USP47: variants seen among roughly 807,000 people sequenced by gnomAD.
USP47 encodes the protein ubiquitin carboxyl-terminal hydrolase 47.
Under a neutral mutation model 165.1 loss-of-function variants are expected in USP47, and 35 were observed. That is an observed-to-expected ratio of 0.21 (90% CI 0.16 to 0.28). The LOEUF is 0.28. Ranked by LOEUF, USP47 falls within the 10% of genes least tolerant of loss-of-function variation. The pLI, the probability that USP47 is intolerant of heterozygous loss-of-function variation, is 1.00. For missense variants in USP47, 1,277 were observed against 1,607.4 expected (o/e 0.79, Z 3.52); for synonymous variants, 531 against 544.5 (o/e 0.98, Z 0.35).
chr11:11,867,106 A>G (rs750235456), intron 1 of USP47, among the ~76,000 whole-genome samples: 6 of 152,150 alleles, frequency 3.9e-5, no homozygotes, highest in African/African-American at 7.2e-5. Flanking sequence ...CATGTTGGTC[A>G]TGCTGGTCTT....
chr11:11,923,121 G>A (rs1564881588), intron 11 of USP47, among the ~76,000 whole-genome samples: 2 of 137,420 alleles, frequency 1.5e-5, no homozygotes, highest in Non-Finnish European at 1.5e-5. Flanking sequence ...CTGCTTACAG[G>A]TAAGAACATT....
Position 11,956,933 on chromosome 11 carries a change from TGA to T in USP47, c.*760_*761del, listed in dbSNP as rs1425725633. On this transcript the variant is annotated 3_prime_UTR_variant, in exon 28 of 28. Transcript: ENST00000527733. ...AGCATGTAAATAAAATTGATCCTGT[TGA>T]GTTATCATAATTGCAGTTCAACTAT... is the stretch of plus-strand genomic sequence containing the variant. 6.6e-6 allele frequency: 1 copy of T among 152,198 alleles called. No individual in the cohort carries two copies. The highest frequency in any genetic ancestry group is 1.9e-4 in the East Asian group (1 of 5,200). 9.4% of individuals were successfully genotyped at this position (152,198 alleles called of 1,614,324 possible).
intron 3 of USP47, among the ~76,000 whole-genome samples, 184 bp from the exon 4 acceptor site, chr11:11,891,781 ATCT>A (rs1174908976): frequency 6.6e-6 from 1 of 152,220 alleles, no homozygotes; most frequent in Admixed American, 6.5e-5. Context: ...AGTACCAAAA[ATCT>A]TCTCTCATGT....
chr11:11,921,891 C>G (rs1015859415), intron 10 of USP47, among the ~76,000 whole-genome samples: 1 of 151,798 alleles, frequency 6.6e-6, no homozygotes, highest in Non-Finnish European at 1.5e-5. Flanking sequence ...ATCCTTGAAC[C>G]TAACCTTCTT....
chr11:11,889,642 A>G (rs1357074492), intron 3 of USP47, among the ~76,000 whole-genome samples: 2 of 152,254 alleles, frequency 1.3e-5, no homozygotes, highest in Non-Finnish European at 2.9e-5. Context: ...AAAGTAATTT[A>G]TAGATTCAAT....
chr11:11,952,491 A>G, intron 24 of USP47: 2 of 247,126 alleles, frequency 8.1e-6, no homozygotes, highest in Non-Finnish European at 1.6e-5. Context: ...AGTGTTCAAC[A>G]GGAGTCAGGA....
chr11:11,915,222 C>T (rs1853325278), intron 8 of USP47, among the ~76,000 whole-genome samples: 1 of 152,106 alleles, frequency 6.6e-6, no homozygotes, highest in South Asian at 2.1e-4. Flanking sequence ...GTGAAAAAAG[C>T]CAATCTCAAA....
chr11:11,898,376 T>C (rs1305584755), intron 5 of USP47, among the ~76,000 whole-genome samples: 2 of 152,166 alleles, frequency 1.3e-5, no homozygotes, highest in African/African-American at 4.8e-5. Flanking sequence ...TTTCCTTTTT[T>C]GTGTTACTTT....
At chr11:11,863,449 C>T (rs1335956354) in intron 1 of USP47, among the ~76,000 whole-genome samples, 1 of 152,144 alleles carries the variant, frequency 6.6e-6, no homozygotes, top group Non-Finnish European at 1.5e-5. Context: ...AAAATATGAT[C>T]AGACTTGTCA....
chr11:11,949,982 G>A lies in USP47; in HGVS notation c.3442G>A (p.Gly1148Ser). The A allele has an allele frequency of 6.2e-7, 1 of 1,611,908 alleles. No homozygotes were observed. Among genetic ancestry groups the A allele is most frequent in the Non-Finnish European group, 8.5e-7 (1 of 1,178,692 alleles). Residue 1148 changes from glycine (G) to serine (S), a missense_variant, in exon 23 of 28, where the codon GGT becomes AGT. Physicochemically the swap from Gly to Ser is moderately conservative, Grantham distance 56 (BLOSUM62 0). This residue lies in a region of USP47 where 909 missense variants were observed against 1,068.1 expected (regional missense o/e 0.85). Coordinates refer to ENST00000527733, the MANE Select transcript of USP47 (RefSeq NM_001282659.2). ...AATTCCTCAGCTCAGGGAGCAATGT[G>A]GTTTAGAGCTCAGTATTGACAGGTA... is the stretch of plus-strand genomic sequence containing the variant. The part of the protein sequence containing the change: ...ELIPQLREQC[G>S]LELSIDRFRL...
At chr11:11,939,512 A>G (rs1487375667) in intron 18 of USP47, among the ~76,000 whole-genome samples, 1 of 152,064 alleles carries the variant, frequency 6.6e-6, no homozygotes, top group African/African-American at 2.4e-5. Context: ...ACTTCTAACA[A>G]TTTTGCTAAA....
intron 20 of USP47, among the ~76,000 whole-genome samples, chr11:11,947,266 A>C (rs1855904166): frequency 6.6e-6 from 1 of 152,240 alleles, no homozygotes; most frequent in South Asian, 2.1e-4. Context: ...TACAATACCA[A>C]GAGAGCTTAA....
intron 1 of USP47, among the ~76,000 whole-genome samples, chr11:11,878,877 C>A (rs953560386): frequency 6.6e-6 from 1 of 152,030 alleles, no homozygotes; most frequent in Non-Finnish European, 1.5e-5. Context: ...TCAGTACTAG[C>A]CAATTATAAT....
chr11:11,881,914 A>G (rs1156723466), intron 2 of USP47, among the ~76,000 whole-genome samples: 1 of 152,138 alleles, frequency 6.6e-6, no homozygotes, highest in African/African-American at 2.4e-5. Flanking sequence ...TTGGGGAGAC[A>G]TAAACACTCA....
rs1847343827 is a variant in USP47 at position 11,959,122 on chromosome 11, A to G, written c.*2947A>G. The G allele has an allele frequency of 1.3e-5, 2 of 152,212 alleles. No individual in the cohort carries two copies. 9.4% of individuals were successfully genotyped at this position (152,212 alleles called of 1,614,324 possible). A position where few individuals can be genotyped will look rare whatever the true frequency, so the allele number is the denominator to read the frequency against. ...AAATCTGGAAGTGACCTGTGAATGT[A>G]TGGAATACAATAAAGTCTTTTATTC... On this transcript the variant is annotated 3_prime_UTR_variant, in exon 28 of 28. Transcript: ENST00000527733.
chr11:11,876,176 A>G (rs1850405417), intron 1 of USP47, among the ~76,000 whole-genome samples: 1 of 152,188 alleles, frequency 6.6e-6, no homozygotes, highest in South Asian at 2.1e-4. Flanking sequence ...TCTAAACTAC[A>G]TTAAATGTTT....
chr11:11,939,076 A>G (rs1855285234), intron 18 of USP47, among the ~76,000 whole-genome samples: 1 of 151,986 alleles, frequency 6.6e-6, no homozygotes, highest in Non-Finnish European at 1.5e-5. Context: ...GATAAAGAAC[A>G]TAGGCTCATT....
At chr11:11,934,969 T>G (rs185708024) in intron 16 of USP47, among the ~76,000 whole-genome samples, 17 of 152,222 alleles carry the variant, frequency 1.1e-4, no homozygotes, top group Admixed American at 7.9e-4. Context: ...ATAGCTGACA[T>G]TGTTTCTGAA....
intron 18 of USP47, among the ~76,000 whole-genome samples, chr11:11,939,385 A>C (rs1333968438): frequency 6.6e-6 from 1 of 151,994 alleles, no homozygotes; most frequent in East Asian, 1.9e-4. Flanking sequence ...GCAGAGTTGT[A>C]GTGAACATTA....
Sources: allele counts gnomAD v4.1 joint callset (sites outside exome capture counted in the v4.1 genomes callset), GRCh38; gene constraint gnomAD v4.1.1; regional missense constraint gnomAD v4.1.1; transcripts MANE v1.5; gene names NCBI Gene and HGNC (gene_info 2026-07-23, HGNC 2026-07-21).